UVRAG: variants seen among roughly 807,000 people sequenced by gnomAD.
The protein encoded by UVRAG is UV radiation resistance-associated gene protein.
In UVRAG, 19 loss-of-function variants were observed where a neutral mutation model predicts 78.0. The observed-to-expected ratio is 0.24, with a 90% CI of 0.17 to 0.36. The LOEUF is 0.36. Ranked by LOEUF, UVRAG falls within the 10% of genes least tolerant of loss-of-function variation. UVRAG has a pLI of 1.00. For synonymous variants in UVRAG, 323 were observed against 324.6 expected, an observed-to-expected ratio of 1.00 and a Z score of 0.05; for missense variants, 740 against 853.8, an observed-to-expected ratio of 0.87 and a Z score of 1.66.
intron 7 of UVRAG, among the ~76,000 whole-genome samples, chr11:75,972,182 T>A (rs1193592236): frequency 1.3e-5 from 2 of 152,146 alleles, no homozygotes; most frequent in East Asian, 3.9e-4. Flanking sequence ...AGTCTGTGGC[T>A]TGTCTTTACT....
rs116074627 is a variant in UVRAG at position 75,864,660 on chromosome 11, C to G, written c.270+2880C>G. On this transcript the variant is annotated intron_variant, in intron 3 of 14. Transcript: ENST00000356136. ...ATTTGTTACCATTGTGCTTGGCACA[C>G]AGAAGACGCTCAGCAAATGTTTCTT... is the stretch of plus-strand genomic sequence containing the variant. 3.3e-3 allele frequency among the ~76,000 whole-genome samples: 507 copies of G among 152,374 alleles called. 2 individuals are homozygous for G. Among genetic ancestry groups the G allele is most frequent in the African/African-American group, 0.012 (485 of 41,586 alleles).
In UVRAG at chr11:75,976,250, G is replaced by A. The variant is rs562794723; in HGVS notation, c.700-7137G>A. 3.3e-5 allele frequency among the ~76,000 whole-genome samples: 5 copies of A among 152,320 alleles called. No individual in the cohort carries two copies. The South Asian group carries it at 1.0e-3, about 32-fold the overall frequency. On this transcript the variant is annotated intron_variant, in intron 7 of 14. Coordinates refer to ENST00000356136, the MANE Select transcript of UVRAG (RefSeq NM_003369.4). ...TCATGGTGGATAAGCTCTTTGATGT[G>A]CTGCTGGATTCAGTTTGCCAGTGTT...
At chr11:76,100,081 A>G (rs564393843) in intron 13 of UVRAG, among the ~76,000 whole-genome samples, 2 of 152,274 alleles carry the variant, frequency 1.3e-5, no homozygotes, top group South Asian at 2.1e-4. Flanking sequence ...CAAAATCACA[A>G]TGTGTTTTTT....
Position 75,912,011 on chromosome 11 carries a change from A to G in UVRAG, c.565A>G (p.Asn189Asp). 6.2e-7 allele frequency: 1 copy of G among 1,613,092 alleles called. No individual in the cohort carries two copies. The highest frequency in any genetic ancestry group is 8.5e-7 in the Non-Finnish European group (1 of 1,179,324). Residue 189 changes from asparagine (N) to aspartate (D), a missense_variant, in exon 6 of 15, where the codon AAT (asparagine) becomes GAT (aspartate). By Grantham distance (23) the Asn-to-Asp change is conservative (BLOSUM62 1). Transcript: ENST00000356136. Reference protein sequence around the residue: ...LLQVDQNCVRNSYDVFSLLRL... With the variant: ...LLQVDQNCVRDSYDVFSLLRL... ...GCAGGTGGATCAGAACTGTGTTCGC[A>G]ATTCTTACGATGTCTTCTCTTTGCT...
intron 6 of UVRAG, among the ~76,000 whole-genome samples, chr11:75,929,594 TGAGG>T (rs1315768247): frequency 6.6e-6 from 1 of 152,118 alleles, no homozygotes; most frequent in Non-Finnish European, 1.5e-5. Flanking sequence ...TGTATGTTGG[TGAGG>T]GAGAGAAATG....
Position 76,115,904 on chromosome 11 carries a change from C to T in UVRAG, c.1306-20C>T. ...ATAATCTGCCAAAATATCTTTAATT[C>T]TATTTTTTCACCTTCACAGCTAAGA... On this transcript the variant is annotated intron_variant, in intron 13 of 14. Coordinates refer to ENST00000356136, the MANE Select transcript of UVRAG (RefSeq NM_003369.4). The T allele has an allele frequency of 6.2e-7, 1 of 1,610,854 alleles. No homozygotes were observed. The highest frequency in any genetic ancestry group is 8.5e-7 in the Non-Finnish European group (1 of 1,177,604).
At position 76,004,761 on chromosome 11, in the gene UVRAG, A is replaced by G. The variant is rs1009277961; in HGVS notation, c.911+672A>G. On this transcript the variant is annotated intron_variant, in intron 9 of 14. Coordinates refer to ENST00000356136, the MANE Select transcript of UVRAG (RefSeq NM_003369.4). ...CACCTCAACCTCCCAAAGTGCTGGG[A>G]TTACAGGTGTGAGCCATCATGCCTG... 2.0e-5 allele frequency among the ~76,000 whole-genome samples: 3 copies of G among 151,006 alleles called. No individual in the cohort carries two copies. In the East Asian group the frequency reaches 6.0e-4, roughly 30 times the overall value.
rs144486039 is a variant in UVRAG, at chr11:75,903,377, G to A, written c.508-8577G>A. On this transcript the variant is annotated intron_variant, in intron 5 of 14. Coordinates refer to ENST00000356136, the MANE Select transcript of UVRAG (RefSeq NM_003369.4). The stretch of plus-strand genomic sequence containing the variant: ...TAGCATGGTATTCAAGACTTGCTGT[G>A]TTCTGGCCCTCCTTACTTACTTATT... Among the ~76,000 whole-genome samples, 74 of 152,260 alleles carry A rather than the reference G, an allele frequency of 4.9e-4. 1 individual carries two copies. The highest frequency in any genetic ancestry group is 6.8e-3 in the Middle Eastern group (2 of 294).
chr11:75,893,670 CAAAAAAAAA>C (rs1048785134), intron 5 of UVRAG, among the ~76,000 whole-genome samples: 30 of 60,394 alleles, frequency 5.0e-4, no homozygotes, highest in Middle Eastern at 0.013. Context: ...CTATCTCTAC[CAAAAAAAAA>C]AAAAAAAAAA....
chr11:75,972,756 TA>T (rs1368417808), intron 7 of UVRAG, among the ~76,000 whole-genome samples: 1 of 152,242 alleles, frequency 6.6e-6, no homozygotes, highest in Non-Finnish European at 1.5e-5. Flanking sequence ...TGCCTTTATA[TA>T]AACTTTAGAA....
At chr11:75,989,387 T>C (rs930180658) in intron 8 of UVRAG, among the ~76,000 whole-genome samples, 2 of 152,152 alleles carry the variant, frequency 1.3e-5, no homozygotes, top group Non-Finnish European at 2.9e-5. Flanking sequence ...ACCCTCTGCA[T>C]TGTGGCCTGG....
chr11:76,043,601 T>C (rs758212179), intron 12 of UVRAG, among the ~76,000 whole-genome samples: 1 of 152,212 alleles, frequency 6.6e-6, no homozygotes, highest in African/African-American at 2.4e-5. Context: ...GCAAAAAACT[T>C]ATGTAAGTAT....
At chr11:75,923,690 T>G (rs560812537) in intron 6 of UVRAG, among the ~76,000 whole-genome samples, 1 of 152,332 alleles carries the variant, frequency 6.6e-6, no homozygotes, top group Non-Finnish European at 1.5e-5. Context: ...TCAATCCCTT[T>G]AGTACTCATC....
chr11:75,970,884 AC>A (rs1403676775), intron 7 of UVRAG, among the ~76,000 whole-genome samples: 1 of 152,184 alleles, frequency 6.6e-6, no homozygotes, highest in Non-Finnish European at 1.5e-5. Context: ...TAACTGAAGT[AC>A]ATAGTTTACA....
chr11:75,918,995 T>G (rs1947919273), intron 6 of UVRAG, among the ~76,000 whole-genome samples: 1 of 152,216 alleles, frequency 6.6e-6, no homozygotes, highest in Non-Finnish European at 1.5e-5. Flanking sequence ...CTATAAGTGT[T>G]TTGGGAAGAC....
At chr11:75,862,713 A>T (rs573632096) in intron 3 of UVRAG, among the ~76,000 whole-genome samples, 12 of 152,294 alleles carry the variant, frequency 7.9e-5, no homozygotes, top group African/African-American at 2.6e-4. Flanking sequence ...TTCCCCAGTC[A>T]TGCTTTTTCA....
At chr11:75,858,846 A>C (rs1442342195) in intron 2 of UVRAG, among the ~76,000 whole-genome samples, 1 of 152,198 alleles carries the variant, frequency 6.6e-6, no homozygotes, top group Non-Finnish European at 1.5e-5. Context: ...GTCCACATTC[A>C]TAGTAGGAGA....
intron 14 of UVRAG, among the ~76,000 whole-genome samples, chr11:76,138,240 G>C (rs1448955871): frequency 6.6e-6 from 1 of 152,226 alleles, no homozygotes; most frequent in Non-Finnish European, 1.5e-5. Context: ...GGACACAATA[G>C]ATAGGATGGG....
intron 14 of UVRAG, 52 bp downstream of exon 14, chr11:76,116,067 G>GA (rs1952174931): frequency 6.4e-7 from 1 of 1,557,376 alleles, no homozygotes; most frequent in African/African-American, 1.4e-5. Flanking sequence ...ATAGGATCCT[G>GA]AAAATCTTTT....
Sources: allele counts gnomAD v4.1 joint callset (sites outside exome capture counted in the v4.1 genomes callset), GRCh38; gene constraint gnomAD v4.1.1; transcripts MANE v1.5; gene names NCBI Gene and HGNC (gene_info 2026-07-23, HGNC 2026-07-21).